NPL: variants seen among roughly 807,000 people sequenced by gnomAD.
The protein encoded by NPL is N-acetylneuraminate pyruvate lyase.
Under a neutral mutation model 41.1 loss-of-function variants are expected in NPL, and 32 were observed. The observed-to-expected ratio is 0.78, with a 90% CI of 0.59 to 1.05. The LOEUF (loss-of-function observed/expected upper bound fraction) is 1.05, where lower values mean the gene tolerates loss of function less well. Among genes scored for constraint, NPL ranks in the 50% least tolerant of loss-of-function variants. The pLI, the probability that NPL is intolerant of heterozygous loss-of-function variation, is 0.00. For synonymous variants in NPL, 128 were observed against 134.9 expected, an observed-to-expected ratio of 0.95 and a Z score of 0.35; for missense variants, 321 against 378.4, an observed-to-expected ratio of 0.85 and a Z score of 1.26.
intron 5 of NPL, 135 bp downstream of exon 5, chr1:182,806,367 G>A: frequency 2.6e-6 from 4 of 1,550,136 alleles, no homozygotes; most frequent in Non-Finnish European, 3.5e-6. Context: ...AGATGAGCAG[G>A]GCCCCCGGGA....
chr1:182,797,563 C>T (rs1005654204), intron 3 of NPL, among the ~76,000 whole-genome samples: 1 of 152,180 alleles, frequency 6.6e-6, no homozygotes, highest in Non-Finnish European at 1.5e-5. Context: ...TGCCTTCACT[C>T]ATTCTCTTTC....
chr1:182,807,908 A>ACAAAGATGTTTAAAATTGTTTATC (rs1667069135), intron 5 of NPL, among the ~76,000 whole-genome samples: 1 of 150,262 alleles, frequency 6.7e-6, no homozygotes, highest in Non-Finnish European at 1.5e-5. Flanking sequence ...AAAAAAAAAA[A>ACAAAGATGTTTAAAATTGTTTATC]AGAACAGTAC....
chr1:182,820,286 T>C (rs569604483), intron 10 of NPL, among the ~76,000 whole-genome samples: 3 of 152,312 alleles, frequency 2.0e-5, no homozygotes, highest in South Asian at 2.1e-4. Context: ...TCCAAGCAGA[T>C]TGAATGAAAT....
intron 3 of NPL, among the ~76,000 whole-genome samples, chr1:182,801,160 T>C (rs984222662): frequency 3.9e-5 from 6 of 152,214 alleles, no homozygotes; most frequent in Non-Finnish European, 7.4e-5. Context: ...AGAGGTCTGG[T>C]AGTTCCAAAA....
chr1:182,811,869 C>A (rs1667185303), intron 5 of NPL, among the ~76,000 whole-genome samples: 2 of 152,118 alleles, frequency 1.3e-5, no homozygotes, highest in South Asian at 4.1e-4. Flanking sequence ...CCTTTAAATA[C>A]CTCCTTTGGG....
intron 5 of NPL, chr1:182,806,467 G>A: frequency 6.5e-7 from 1 of 1,536,306 alleles, no homozygotes; most frequent in Non-Finnish European, 8.7e-7. Flanking sequence ...GGTTCCGCTG[G>A]GAAACTGCTT....
chr1:182,824,476 A>G (rs1667576157), intron 11 of NPL, among the ~76,000 whole-genome samples: 3 of 152,318 alleles, frequency 2.0e-5, no homozygotes, highest in Admixed American at 2.0e-4. Flanking sequence ...ATAAAATGTT[A>G]TTGAAAATGC....
At chr1:182,815,180 T>G (rs184432490) in intron 7 of NPL, among the ~76,000 whole-genome samples, 1 of 151,936 alleles carries the variant, frequency 6.6e-6, no homozygotes, top group Admixed American at 6.5e-5. Context: ...TGGCAAAGCA[T>G]GGGACCATTT....
rs755944842 is a variant in NPL, at chr1:182,828,918, A to G, written c.*10A>G. On this transcript the variant is annotated 3_prime_UTR_variant, in exon 13 of 13. Transcript: ENST00000367553. This position sits in a 1 kb window ranked among gnomAD's most constrained non-coding sequence, Gnocchi z 4.0. ...GGAAGCTGGTAGCTAGTGCCTCTCT[A>G]TCAAATCAGGGTTTGCACCTTGAGA... 3 of 1,614,038 alleles carry G rather than the reference A, an allele frequency of 1.9e-6. No individual in the cohort carries two copies. Among genetic ancestry groups the G allele is most frequent in the East Asian group, 2.2e-5 (1 of 44,902 alleles).
intron 8 of NPL, 105 bp downstream of exon 8, chr1:182,816,911 C>A: frequency 1.2e-6 from 1 of 818,958 alleles, no homozygotes; most frequent in Non-Finnish European, 2.0e-6. Flanking sequence ...GCCCCAAAAG[C>A]ACACCACCAC....
chr1:182,808,659 G>T (rs989913452), intron 5 of NPL, among the ~76,000 whole-genome samples: 20 of 152,124 alleles, frequency 1.3e-4, no homozygotes, highest in African/African-American at 4.8e-4. Context: ...ATACAGAAAA[G>T]ACTGGTAAAC....
intron 3 of NPL, among the ~76,000 whole-genome samples, chr1:182,795,159 C>T (rs188872058): frequency 6.6e-6 from 1 of 152,162 alleles, no homozygotes; most frequent in Non-Finnish European, 1.5e-5. Flanking sequence ...TTGAACATCA[C>T]CCCTGACAAA....
At chr1:182,807,527 A>G (rs1667049643) in intron 5 of NPL, among the ~76,000 whole-genome samples, 1 of 151,952 alleles carries the variant, frequency 6.6e-6, no homozygotes, top group African/African-American at 2.4e-5. Context: ...CTAGGGTCCA[A>G]AAATATTAAG....
rs1167992669 is a variant in NPL, at chr1:182,829,069, A to AT, written c.*165dup. The stretch of plus-strand genomic sequence containing the variant: ...CCTTTTGTGAGCCTTAAAAAGTCTT[A>AT]TTTTGTGAAGGGGCAAAAACTCTAG... On this transcript the variant is annotated 3_prime_UTR_variant, in exon 13 of 13. Transcript: ENST00000367553. The AT allele has an allele frequency of 6.9e-7, 1 of 1,452,388 alleles. No individual in the cohort carries two copies. The highest frequency in any genetic ancestry group is 9.0e-7 in the Non-Finnish European group (1 of 1,110,244). 90.0% of individuals were successfully genotyped at this position (1,452,388 alleles called of 1,614,324 possible).
chr1:182,811,394 A>AT (rs1667171938), intron 5 of NPL, among the ~76,000 whole-genome samples: 1 of 151,692 alleles, frequency 6.6e-6, no homozygotes, highest in Non-Finnish European at 1.5e-5. Context: ...CACTTGGCTA[A>AT]TTTTTTGTAT....
At chr1:182,806,963 C>T (rs919476951) in intron 5 of NPL, among the ~76,000 whole-genome samples, 22 of 152,100 alleles carry the variant, frequency 1.4e-4, no homozygotes, top group African/African-American at 3.9e-4. Context: ...CTCAGCCTCC[C>T]GAGTAGCTGG....
chr1:182,803,603 C>A, intron 3 of NPL, 95 bp from the exon 4 acceptor site: 1 of 817,188 alleles, frequency 1.2e-6, no homozygotes, highest in Non-Finnish European at 2.1e-6. Context: ...TTTTTAATAA[C>A]TATTAGCAAG....
chr1:182,795,683 A>G (rs981609841), intron 3 of NPL: 1 of 152,182 alleles, frequency 6.6e-6, no homozygotes, highest in Non-Finnish European at 1.5e-5. Flanking sequence ...TAGATTACTC[A>G]GCTGGTTAAT....
At chr1:182,813,291 C>G (rs1667232575) in intron 6 of NPL, among the ~76,000 whole-genome samples, 1 of 152,068 alleles carries the variant, frequency 6.6e-6, no homozygotes, top group South Asian at 2.1e-4. Context: ...TCTGGCCCAG[C>G]TTCTTCTTAA....
Sources: gnomAD v4.1 joint callset for allele counts (sites outside exome capture counted in the v4.1 genomes callset) on GRCh38, gnomAD v4.1.1 for gene constraint, Gnocchi (gnomAD v3.1) non-coding constraint, MANE v1.5 for transcripts, NCBI Gene and HGNC (gene_info 2026-07-23, HGNC 2026-07-21) for gene names.